ISY1: variants seen among roughly 807,000 people sequenced by gnomAD.
The protein encoded by ISY1 is pre-mRNA-splicing factor ISY1 homolog.
Under a neutral mutation model 54.4 loss-of-function variants are expected in ISY1, and 12 were observed. The ratio of observed to expected loss-of-function variants is 0.22; its 90% CI spans 0.14 to 0.36. The LOEUF is 0.36. Among genes scored for constraint, ISY1 ranks in the 10% least tolerant of loss-of-function variants. The pLI is 1.00. For missense variants in ISY1, 282 were observed against 342.2 expected (o/e 0.82, Z 1.39); for synonymous variants, 96 against 117.9 (o/e 0.81, Z 1.20).
intron 5 of ISY1, among the ~76,000 whole-genome samples, chr3:129,148,641 T>C (rs1442379590): frequency 1.3e-5 from 2 of 152,266 alleles, no homozygotes; most frequent in Non-Finnish European, 2.9e-5. Flanking sequence ...CTCAGCTCAC[T>C]GCGACCTCTG....
chr3:129,160,932 C>G, intron 1 of ISY1, 41 bp downstream of exon 1: 1 of 438,332 alleles, frequency 2.3e-6, no homozygotes, highest in Non-Finnish European at 4.6e-6. Context: ...CCCCGCCCGC[C>G]CGCCCATCCA....
chr3:129,147,975 T>C (rs1011589099), intron 5 of ISY1, among the ~76,000 whole-genome samples: 2 of 151,806 alleles, frequency 1.3e-5, no homozygotes, highest in African/African-American at 4.8e-5. Flanking sequence ...CGATATGTTT[T>C]AATTTTATTT....
chr3:129,138,230 G>A (rs1246446495), intron 7 of ISY1, among the ~76,000 whole-genome samples: 4 of 150,414 alleles, frequency 2.7e-5, no homozygotes, highest in African/African-American at 7.4e-5. Flanking sequence ...GCAGTAAGCC[G>A]AGATTGCGTC....
At chr3:129,160,219 A>G (rs953581179) in intron 1 of ISY1, among the ~76,000 whole-genome samples, 82 of 152,070 alleles carry the variant, frequency 5.4e-4, no homozygotes, top group African/African-American at 1.9e-3. Flanking sequence ...TCAATCTACA[A>G]TGGCTTCCAA....
At chr3:129,158,224 G>C (rs777608272) in intron 3 of ISY1, among the ~76,000 whole-genome samples, 1 of 149,740 alleles carries the variant, frequency 6.7e-6, no homozygotes, top group Non-Finnish European at 1.5e-5. Context: ...CATGATCATG[G>C]CTCCCTGCAG....
rs975412687 is a variant in ISY1, at chr3:129,129,277, A to G, written c.*804T>C. Reference sequence around the variant, plus strand: ...AAACTCAAATTCCTGCCACCCAGGCAGGAGCGAGTGGAGCAGGTGGAGGGG... The same window carrying G: ...AAACTCAAATTCCTGCCACCCAGGCGGGAGCGAGTGGAGCAGGTGGAGGGG... On this transcript the variant is annotated 3_prime_UTR_variant, in exon 11 of 11. Transcript: ENST00000393295. 37 of 152,368 alleles carry G rather than the reference A, an allele frequency of 2.4e-4. No individual in the cohort carries two copies. Among genetic ancestry groups the G allele is most frequent in the African/African-American group, 8.7e-4 (36 of 41,570 alleles). 9.4% of individuals were successfully genotyped at this position (152,368 alleles called of 1,614,324 possible).
chr3:129,133,111 C>T (rs1229996625), intron 9 of ISY1, among the ~76,000 whole-genome samples: 1 of 152,106 alleles, frequency 6.6e-6, no homozygotes, highest in East Asian at 1.9e-4. Flanking sequence ...GCAGAGATTT[C>T]AAATGTTGAA....
chr3:129,131,536 A>G (rs1396926854), intron 9 of ISY1, among the ~76,000 whole-genome samples: 1 of 152,100 alleles, frequency 6.6e-6, no homozygotes, highest in African/African-American at 2.4e-5. Context: ...CTTCACTGGT[A>G]TTTGCTATGT....
At chr3:129,160,426 A>G (rs747658977) in intron 1 of ISY1, among the ~76,000 whole-genome samples, 21 of 152,220 alleles carry the variant, frequency 1.4e-4, no homozygotes, top group Middle Eastern at 3.4e-3. Flanking sequence ...CAGACCACAG[A>G]GAGCACACCC....
intron 5 of ISY1, among the ~76,000 whole-genome samples, chr3:129,148,865 A>G (rs1936850252): frequency 6.6e-6 from 1 of 152,036 alleles, no homozygotes; most frequent in East Asian, 1.9e-4. Flanking sequence ...CACCATGCCC[A>G]CCCTACATAT....
chr3:129,138,657 A>C (rs1936508089), intron 7 of ISY1, among the ~76,000 whole-genome samples: 1 of 151,172 alleles, frequency 6.6e-6, no homozygotes, highest in Admixed American at 6.6e-5. Flanking sequence ...AACAAAAAAA[A>C]GATACAAATT....
At chr3:129,154,132 C>G (rs552051822) in intron 5 of ISY1, among the ~76,000 whole-genome samples, 5 of 149,082 alleles carry the variant, frequency 3.4e-5, no homozygotes, top group African/African-American at 4.9e-5. Flanking sequence ...GTCCCAGCTA[C>G]GCGGGAGGCT....
intron 5 of ISY1, among the ~76,000 whole-genome samples, chr3:129,146,313 G>T (rs749811084): frequency 3.2e-4 from 49 of 152,230 alleles, no homozygotes; most frequent in Middle Eastern, 3.4e-3. Flanking sequence ...ATTGCTATAT[G>T]GGAAAAATTT....
Position 129,128,586 on chromosome 3 carries a change from C to A in ISY1, c.*1495G>T, listed in dbSNP as rs1936153552. The A allele has an allele frequency of 6.5e-6, 1 of 152,902 alleles. No homozygotes were observed. Among genetic ancestry groups the A allele is most frequent in the African/African-American group, 2.4e-5 (1 of 41,464 alleles). 9.5% of individuals were successfully genotyped at this position (152,902 alleles called of 1,614,324 possible). A position where few individuals can be genotyped will look rare whatever the true frequency, so the allele number is the denominator to read the frequency against. On this transcript the variant is annotated 3_prime_UTR_variant, in exon 11 of 11. Transcript: ENST00000393295. ...TGGCCCTCGGGCTCCTTAGAGAGGG[C>A]CCAGCACTGGCCACTCTCCCGACTT... is the stretch of plus-strand genomic sequence containing the variant.
At chr3:129,135,222 C>T (rs1560014031) in intron 7 of ISY1, among the ~76,000 whole-genome samples, 1 of 152,074 alleles carries the variant, frequency 6.6e-6, no homozygotes, top group Non-Finnish European at 1.5e-5. Flanking sequence ...TGGTGCGCAC[C>T]TGTAATCCCA....
Position 129,145,785 on chromosome 3 carries a change from C to G in ISY1, c.276G>C (p.Lys92Asn), listed in dbSNP as rs763598509. The change falls in exon 6 of 11, where the codon AAG (lysine) becomes AAC (asparagine). Residue 92 changes from lysine (K) to asparagine (N), a missense_variant. This residue lies in a region of ISY1 where 279 missense variants were observed against 323.6 expected (regional missense o/e 0.86). Coordinates refer to ENST00000393295, the MANE Select transcript of ISY1 (RefSeq NM_020701.4). Reference sequence around the variant, plus strand: ...CTCCATAATCAGGACCTCCCAGCTCCTTTATCCGGACCTCCCAGTGTCCTT... The same window carrying G: ...CTCCATAATCAGGACCTCCCAGCTCGTTTATCCGGACCTCCCAGTGTCCTT... Reference protein sequence around the residue: ...REKGHWEVRIKELGGPDYGKV... With the variant: ...REKGHWEVRINELGGPDYGKV... 5.1e-5 allele frequency: 83 copies of G among 1,614,064 alleles called. No homozygotes were observed. Among genetic ancestry groups the G allele is most frequent in the Non-Finnish European group, 6.9e-5 (81 of 1,180,028 alleles).
chr3:129,148,799 C>T (rs962393512), intron 5 of ISY1, among the ~76,000 whole-genome samples: 1 of 151,954 alleles, frequency 6.6e-6, no homozygotes, highest in African/African-American at 2.4e-5. Context: ...AAACTCCTGG[C>T]CTCAAGTGAT....
At position 129,152,312 on chromosome 3, in the gene ISY1, G is replaced by A. The variant is rs184325695; in HGVS notation, c.187+4321C>T. Reference sequence around the variant, plus strand: ...TTTTTCTTCTTTGGAATGACACAGTGAATTAACTTATTTTTGAATGCTGAA... The same window carrying A: ...TTTTTCTTCTTTGGAATGACACAGTAAATTAACTTATTTTTGAATGCTGAA... On this transcript the variant is annotated intron_variant, in intron 5 of 10. Coordinates refer to ENST00000393295, the MANE Select transcript of ISY1 (RefSeq NM_020701.4). Among the ~76,000 whole-genome samples, 4 of 152,212 alleles carry A rather than the reference G, an allele frequency of 2.6e-5. No homozygotes were observed. The East Asian group carries it at 7.7e-4, about 29-fold the overall frequency.
rs111401225 is a variant in ISY1, at chr3:129,128,185, C to T, written c.*1896G>A. On this transcript the variant is annotated 3_prime_UTR_variant, in exon 11 of 11. Coordinates refer to ENST00000393295, the MANE Select transcript of ISY1 (RefSeq NM_020701.4). ...CCCACGATATTCACTCCTGAGTCCCCACCTGCAGGCCCAAGCTGGGTGCTG... is the reference window on the plus strand; with the variant it reads ...CCCACGATATTCACTCCTGAGTCCCTACCTGCAGGCCCAAGCTGGGTGCTG... The T allele has an allele frequency of 5.2e-5, 8 of 153,074 alleles. No homozygotes were observed. The highest frequency in any genetic ancestry group is 1.4e-4 in the African/African-American group (6 of 41,570). The allele number at this position is 153,074 out of a possible 1,614,324, so 9.5% of individuals were successfully genotyped here.
Sources: gnomAD v4.1 joint callset for allele counts (sites outside exome capture counted in the v4.1 genomes callset) on GRCh38, gnomAD v4.1.1 for gene constraint, gnomAD v4.1.1 regional missense constraint, MANE v1.5 for transcripts, NCBI Gene and HGNC (gene_info 2026-07-23, HGNC 2026-07-21) for gene names.